MSI2: variants seen among roughly 807,000 people sequenced by gnomAD.
MSI2 encodes the protein RNA-binding protein Musashi homolog 2.
MSI2 carries 17 observed loss-of-function variants against 45.6 expected under a neutral mutation model. The observed-to-expected ratio is 0.37, with a 90% confidence interval of 0.26 to 0.56. MSI2 has a LOEUF of 0.56. MSI2 is among the 20% of genes least tolerant of loss of function. MSI2 has a pLI of 0.77. For missense variants in MSI2, 293 were observed against 444.2 expected, an observed-to-expected ratio of 0.66 and a Z score of 3.06; for synonymous variants, 156 against 158.2, an observed-to-expected ratio of 0.99 and a Z score of 0.11.
At chr17:57,324,379 G>A (rs1291970143) in intron 5 of MSI2, among the ~76,000 whole-genome samples, 1 of 152,052 alleles carries the variant, frequency 6.6e-6, no homozygotes, top group Non-Finnish European at 1.5e-5. Context: ...TGGCTCCCGC[G>A]GTCATATACT....
chr17:57,335,127 AT>A (rs1213079892), intron 5 of MSI2, among the ~76,000 whole-genome samples: 1 of 152,152 alleles, frequency 6.6e-6, no homozygotes, highest in Non-Finnish European at 1.5e-5. Flanking sequence ...CTCTGGACAT[AT>A]TTTGGCTTTG....
rs140335084 is a variant in MSI2 at position 57,321,076 on chromosome 17, G to A, written c.312+58884G>A. ...ATATCCACTGGCTGTCTTACTCTGG[G>A]CTATAATTGGCGGTGGGGGGGATGG... On this transcript the variant is annotated intron_variant, in intron 5 of 13. Coordinates refer to ENST00000284073, the MANE Select transcript of MSI2 (RefSeq NM_138962.4). 5.6e-3 allele frequency among the ~76,000 whole-genome samples: 856 copies of A among 151,614 alleles called. 7 individuals are homozygous for A. Among genetic ancestry groups the A allele is most frequent in the African/African-American group, 0.02 (824 of 41,242 alleles).
intron 6 of MSI2, among the ~76,000 whole-genome samples, chr17:57,511,637 C>T (rs2086358450): frequency 2.1e-5 from 3 of 141,930 alleles, no homozygotes; most frequent in Admixed American, 6.9e-5. Context: ...AGCTCTGCCT[C>T]TGGCCTGCTG....
chr17:57,401,488 G>A lies in MSI2; in HGVS notation c.405+17G>A. The A allele has an allele frequency of 6.2e-7, 1 of 1,604,842 alleles. No individual in the cohort carries two copies. The highest frequency in any genetic ancestry group is 1.1e-5 in the South Asian group (1 of 90,904). Reference sequence around the variant, plus strand: ...TTTGGCAAGGTAAGCGCTGGATGGGGTTGGATGGCACATGCCAGAAGTAGC... The same window carrying A: ...TTTGGCAAGGTAAGCGCTGGATGGGATTGGATGGCACATGCCAGAAGTAGC... On this transcript the variant is annotated intron_variant, in intron 6 of 13. Coordinates refer to ENST00000284073, the MANE Select transcript of MSI2 (RefSeq NM_138962.4).
At chr17:57,678,267 A>G (rs909134062) in intron 13 of MSI2, among the ~76,000 whole-genome samples, 56 of 152,296 alleles carry the variant, frequency 3.7e-4, no homozygotes, top group African/African-American at 1.3e-3. Flanking sequence ...GCCTCTCTTA[A>G]CCAAATAAAC....
intron 6 of MSI2, among the ~76,000 whole-genome samples, chr17:57,495,820 T>A (rs938587603): frequency 6.6e-5 from 10 of 152,238 alleles, no homozygotes; most frequent in Admixed American, 5.2e-4. Context: ...CTTTTATATT[T>A]GAAGAGATCG....
chr17:57,676,261 T>G (rs1567973003), intron 12 of MSI2, among the ~76,000 whole-genome samples: 1 of 151,660 alleles, frequency 6.6e-6, no homozygotes, highest in Non-Finnish European at 1.5e-5. Context: ...CACACAGACA[T>G]GCACGCACAC....
intron 5 of MSI2, among the ~76,000 whole-genome samples, chr17:57,378,303 G>T (rs1298618993): frequency 1.3e-5 from 2 of 151,694 alleles, no homozygotes; most frequent in Admixed American, 1.3e-4. Context: ...TCACTCTGTT[G>T]CCCAGGTTGG....
intron 5 of MSI2, among the ~76,000 whole-genome samples, chr17:57,371,643 AT>A (rs2083423533): frequency 6.6e-6 from 1 of 151,246 alleles, no homozygotes; most frequent in Non-Finnish European, 1.5e-5. Flanking sequence ...TGTGGTTTTT[AT>A]TGTCTATGTG....
intron 6 of MSI2, among the ~76,000 whole-genome samples, chr17:57,462,506 T>C (rs907726667): frequency 2.0e-5 from 3 of 152,222 alleles, no homozygotes; most frequent in Admixed American, 6.5e-5. Flanking sequence ...TTCTGGAACA[T>C]TGACTAACTC....
At chr17:57,392,344 T>C (rs2083809802) in intron 5 of MSI2, among the ~76,000 whole-genome samples, 2 of 152,222 alleles carry the variant, frequency 1.3e-5, no homozygotes, top group African/African-American at 4.8e-5. Context: ...TAGAGAGCTC[T>C]GAGATGAGGG....
chr17:57,642,577 C>A (rs537517043), intron 10 of MSI2, among the ~76,000 whole-genome samples: 4 of 152,330 alleles, frequency 2.6e-5, no homozygotes, highest in African/African-American at 9.6e-5. Flanking sequence ...AGCCAGTTGT[C>A]TCTCCTTGGG....
chr17:57,419,690 A>G (rs2143279660), intron 6 of MSI2, among the ~76,000 whole-genome samples: 1 of 152,260 alleles, frequency 6.6e-6, no homozygotes, highest in East Asian at 1.9e-4. Flanking sequence ...ACATTTCTCA[A>G]CTAGCTGCAC....
intron 7 of MSI2, among the ~76,000 whole-genome samples, chr17:57,533,521 T>C (rs1035169284): frequency 2.6e-5 from 4 of 152,244 alleles, no homozygotes; most frequent in Non-Finnish European, 4.4e-5. Flanking sequence ...ACCTGAAGTA[T>C]GTTTCTGGCC....
At chr17:57,542,875 G>A (rs117142355) in intron 7 of MSI2, among the ~76,000 whole-genome samples, 2,884 of 152,284 alleles carry the variant, frequency 0.019, 51 homozygotes, top group Middle Eastern at 0.027. Flanking sequence ...CGTCGTCTGT[G>A]CCCATGACTT....
intron 6 of MSI2, among the ~76,000 whole-genome samples, chr17:57,459,718 T>G (rs1598294797): frequency 6.6e-6 from 1 of 151,918 alleles, no homozygotes; most frequent in African/African-American, 2.4e-5. Context: ...TGGCCGGGTG[T>G]GGTGGTGACT....
chr17:57,446,341 G>T (rs1460047538), intron 6 of MSI2, among the ~76,000 whole-genome samples: 2 of 152,196 alleles, frequency 1.3e-5, no homozygotes, highest in South Asian at 4.2e-4. Context: ...GGGAGATGAG[G>T]TTAGCGAGGT....
At chr17:57,561,870 C>CTG (rs2087584542) in intron 7 of MSI2, among the ~76,000 whole-genome samples, 1 of 152,296 alleles carries the variant, frequency 6.6e-6, no homozygotes, top group South Asian at 2.1e-4. Flanking sequence ...GATGAGGAAA[C>CTG]TGGCACCCAG....
At chr17:57,324,232 A>C (rs889288636) in intron 5 of MSI2, among the ~76,000 whole-genome samples, 2 of 152,190 alleles carry the variant, frequency 1.3e-5, no homozygotes, top group Non-Finnish European at 2.9e-5. Flanking sequence ...TCTGAGCAGC[A>C]CAACATGGGC....
Sources: gnomAD v4.1 joint callset for allele counts (sites outside exome capture counted in the v4.1 genomes callset) on GRCh38, gnomAD v4.1.1 for gene constraint, MANE v1.5 for transcripts, NCBI Gene and HGNC (gene_info 2026-07-23, HGNC 2026-07-21) for gene names.